ELF2: variants seen among roughly 807,000 people sequenced by gnomAD.
ELF2 encodes E74 like ETS transcription factor 2, also known as ETS-related transcription factor Elf-2.
In ELF2, 11 loss-of-function variants were observed where a neutral mutation model predicts 54.8. The observed-to-expected ratio is 0.20, with a 90% CI of 0.13 to 0.33. The LOEUF (loss-of-function observed/expected upper bound fraction) is 0.33. ELF2 is among the 10% of genes least tolerant of loss of function. The probability of loss-of-function intolerance (pLI) is 1.00; values close to 1 mark genes in which losing one functional copy is unlikely to be tolerated. For missense variants in ELF2, 513 were observed against 703.0 expected (o/e 0.73, Z 3.06); for synonymous variants, 203 against 245.1 (o/e 0.83, Z 1.61).
chr4:139,126,392 T>C (rs559861794), intron 3 of ELF2, among the ~76,000 whole-genome samples: 2 of 145,876 alleles, frequency 1.4e-5, no homozygotes, highest in African/African-American at 5.0e-5. Context: ...AAAAAAAAGG[T>C]TTGGAAAGAA....
chr4:139,095,555 T>C (rs1204143927), intron 4 of ELF2, among the ~76,000 whole-genome samples: 1 of 152,226 alleles, frequency 6.6e-6, no homozygotes, highest in Admixed American at 6.5e-5. Flanking sequence ...CCTCAGCAGA[T>C]TTTAAATTTT....
chr4:139,102,155 T>C (rs890750173), intron 4 of ELF2: 2 of 152,058 alleles, frequency 1.3e-5, no homozygotes, highest in African/African-American at 4.8e-5. Context: ...TTTCCAACTA[T>C]TACACATCAG....
At chr4:139,161,171 TTACA>T (rs1741104305) in intron 1 of ELF2, among the ~76,000 whole-genome samples, 1 of 152,178 alleles carries the variant, frequency 6.6e-6, no homozygotes, top group Non-Finnish European at 1.5e-5. Flanking sequence ...AAGTGAGTGC[TTACA>T]TAAATTGTTA....
chr4:139,094,195 G>A (rs1039069682), intron 4 of ELF2, among the ~76,000 whole-genome samples: 3 of 152,072 alleles, frequency 2.0e-5, no homozygotes, highest in African/African-American at 4.8e-5. Context: ...CACCACGCCC[G>A]GCAACTAACA....
intron 4 of ELF2, among the ~76,000 whole-genome samples, chr4:139,095,605 T>C (rs887867518): frequency 2.0e-5 from 3 of 152,354 alleles, no homozygotes; most frequent in Admixed American, 2.0e-4. Context: ...ATTACATGAG[T>C]ATTCTCCTTT....
At chr4:139,169,022 G>A (rs1741989658) in intron 1 of ELF2, among the ~76,000 whole-genome samples, 1 of 152,138 alleles carries the variant, frequency 6.6e-6, no homozygotes, top group African/African-American at 2.4e-5. Flanking sequence ...AATAACTATT[G>A]CCCGGGCATG....
At chr4:139,124,847 C>T (rs1384143966) in intron 4 of ELF2, among the ~76,000 whole-genome samples, 3 of 151,920 alleles carry the variant, frequency 2.0e-5, no homozygotes, top group Non-Finnish European at 4.4e-5. Context: ...CCTCATAATA[C>T]TAGCCTATTG....
At chr4:139,106,909 A>T (rs1209204053) in intron 4 of ELF2, among the ~76,000 whole-genome samples, 3 of 146,396 alleles carry the variant, frequency 2.0e-5, no homozygotes, top group African/African-American at 7.5e-5. Context: ...ATGCCTGGCT[A>T]TTTTTTTTTT....
chr4:139,098,008 G>GT (rs1412962331), intron 4 of ELF2, among the ~76,000 whole-genome samples: 1 of 152,102 alleles, frequency 6.6e-6, no homozygotes, highest in Non-Finnish European at 1.5e-5. Flanking sequence ...CTGAAATAAC[G>GT]TATTTTGTAT....
At chr4:139,171,027 T>C (rs1271228989) in intron 1 of ELF2, among the ~76,000 whole-genome samples, 3 of 152,096 alleles carry the variant, frequency 2.0e-5, no homozygotes, top group Non-Finnish European at 4.4e-5. Context: ...GTTACAGGCA[T>C]GAGCCACCGC....
intron 4 of ELF2, among the ~76,000 whole-genome samples, chr4:139,099,114 T>C (rs190319644): frequency 6.6e-6 from 1 of 152,338 alleles, no homozygotes; most frequent in Admixed American, 6.5e-5. Context: ...CAAATAATGT[T>C]TCATACAGTT....
chr4:139,111,254 G>A lies in ELF2; in HGVS notation c.238+13910C>T, dbSNP rs144060992. 1.2e-4 allele frequency among the ~76,000 whole-genome samples: 18 copies of A among 152,150 alleles called. No homozygotes were observed. In the East Asian group the frequency reaches 2.5e-3, roughly 21 times the overall value. ...ATGCAGCGCTGAAAATACAGATAGA[G>A]TTTCAAGATAACTTTTACTTACAAG... is the stretch of plus-strand genomic sequence containing the variant. On this transcript the variant is annotated intron_variant, in intron 4 of 9. Coordinates refer to ENST00000686138, the MANE Select transcript of ELF2 (RefSeq NM_001331036.3).
intron 1 of ELF2, among the ~76,000 whole-genome samples, chr4:139,156,261 C>T (rs1472271862): frequency 1.3e-5 from 2 of 152,078 alleles, no homozygotes; most frequent in Non-Finnish European, 2.9e-5. Context: ...CCGCAAGCTC[C>T]GCCTCCCGGG....
intron 1 of ELF2, among the ~76,000 whole-genome samples, chr4:139,140,984 C>T (rs1231415169): frequency 6.6e-6 from 1 of 152,132 alleles, no homozygotes; most frequent in African/African-American, 2.4e-5. Context: ...CCAATGGATA[C>T]ATTTCTGTCT....
intron 4 of ELF2, among the ~76,000 whole-genome samples, chr4:139,113,770 G>A (rs1384712685): frequency 1.3e-5 from 2 of 148,440 alleles, no homozygotes; most frequent in African/African-American, 2.5e-5. Flanking sequence ...CAGGAGAATC[G>A]CTTGAACCCG....
intron 4 of ELF2, among the ~76,000 whole-genome samples, chr4:139,100,024 G>A (rs1733705985): frequency 6.6e-6 from 1 of 152,192 alleles, no homozygotes. Flanking sequence ...ATTAATGGAA[G>A]GATGAAAGGA....
intron 1 of ELF2, among the ~76,000 whole-genome samples, chr4:139,175,909 G>A (rs1464064474): frequency 6.6e-6 from 1 of 152,234 alleles, no homozygotes; most frequent in Non-Finnish European, 1.5e-5. Context: ...GATGCTGGCA[G>A]AGGGAAAAAG....
At chr4:139,127,175 C>T (rs577215252) in intron 3 of ELF2, among the ~76,000 whole-genome samples, 55 of 152,314 alleles carry the variant, frequency 3.6e-4, no homozygotes, top group African/African-American at 1.2e-3. Flanking sequence ...ACATTTCACC[C>T]CCCAGATGTG....
intron 3 of ELF2, among the ~76,000 whole-genome samples, chr4:139,131,924 C>T (rs1177263221): frequency 1.3e-5 from 2 of 151,966 alleles, no homozygotes; most frequent in Non-Finnish European, 2.9e-5. Context: ...GAAAAATATC[C>T]ATGATACAAA....
Sources: gnomAD v4.1 joint callset for allele counts (sites outside exome capture counted in the v4.1 genomes callset) on GRCh38, gnomAD v4.1.1 for gene constraint, MANE v1.5 for transcripts, NCBI Gene and HGNC (gene_info 2026-07-23, HGNC 2026-07-21) for gene names.